Variants in AMPD1 observed in about 807,000 individuals in gnomAD.
AMPD1 encodes the protein adenosine monophosphate deaminase 1.
Under a neutral mutation model 82.9 loss-of-function variants are expected in AMPD1, and 74 were observed. The ratio of observed to expected loss-of-function variants is 0.89; its 90% CI spans 0.74 to 1.08. The LOEUF (loss-of-function observed/expected upper bound fraction) is 1.08. Ranked by LOEUF, AMPD1 falls within the 50% of genes least tolerant of loss-of-function variation. AMPD1 has a pLI of 0.00. For missense variants in AMPD1, 881 were observed against 924.5 expected (o/e 0.95, Z 0.61); for synonymous variants, 333 against 320.5 (o/e 1.04, Z -0.42).
chr1:114,687,937 T>C (rs1658368217), intron 3 of AMPD1, among the ~76,000 whole-genome samples: 1 of 152,108 alleles, frequency 6.6e-6, no homozygotes, highest in African/African-American at 2.4e-5. Context: ...GTAAATTGAA[T>C]ATGTTCACAG....
chr1:114,682,727 C>T (rs1040594646), intron 5 of AMPD1, among the ~76,000 whole-genome samples: 10 of 152,200 alleles, frequency 6.6e-5, no homozygotes, highest in South Asian at 2.1e-4. Flanking sequence ...TACAGGCGCC[C>T]GCCACCACGC....
chr1:114,674,397 A>G (rs1025904663), intron 13 of AMPD1, among the ~76,000 whole-genome samples: 7 of 152,138 alleles, frequency 4.6e-5, no homozygotes, highest in Admixed American at 3.3e-4. Context: ...CTCTCTCTCT[A>G]CAAGAAAGTT....
At chr1:114,688,439 T>G (rs941784397) in intron 3 of AMPD1, 122 bp downstream of exon 3, 1 of 1,195,768 alleles carries the variant, frequency 8.4e-7, no homozygotes, top group East Asian at 2.3e-5. Context: ...TAGGAATTGC[T>G]AACTCTGGCA....
intron 1 of AMPD1, among the ~76,000 whole-genome samples, chr1:114,694,508 AAG>A (rs774259419): frequency 8.5e-5 from 13 of 152,178 alleles, no homozygotes; most frequent in Non-Finnish European, 1.8e-4. Flanking sequence ...CTAAAATGTT[AAG>A]AGTGAATATC....
At chr1:114,694,747 G>A (rs1475448519) in intron 1 of AMPD1, among the ~76,000 whole-genome samples, 1 of 152,100 alleles carries the variant, frequency 6.6e-6, no homozygotes, top group African/African-American at 2.4e-5. Flanking sequence ...GGGAGGCTGA[G>A]GTGGGAGGAT....
intron 12 of AMPD1, 51 bp from the exon 13 acceptor site, chr1:114,674,923 T>A (rs763576060): frequency 6.2e-7 from 1 of 1,611,912 alleles, no homozygotes; most frequent in Non-Finnish European, 8.5e-7. Flanking sequence ...TATGGAGTGA[T>A]TCACAAGAAA....
At chr1:114,695,329 A>T in intron 1 of AMPD1, 121 bp downstream of exon 1, 2 of 1,417,318 alleles carry the variant, frequency 1.4e-6, no homozygotes, top group Non-Finnish European at 1.9e-6. Flanking sequence ...AATGTATGTT[A>T]AAGCTATCAC....
At chr1:114,684,720 GTGAACA>G (rs1213479463) in intron 4 of AMPD1, among the ~76,000 whole-genome samples, 1 of 152,134 alleles carries the variant, frequency 6.6e-6, no homozygotes. Flanking sequence ...CTAAGTACGT[GTGAACA>G]TTTTAAGTAC....
chr1:114,673,905 A>C lies in AMPD1; in HGVS notation c.1974+4T>G. On this transcript the variant is annotated splice_donor_region_variant and intron_variant, in intron 14 of 15. Coordinates refer to ENST00000520113, the MANE Select transcript of AMPD1 (RefSeq NM_000036.3). Reference sequence around the variant, plus strand: ...TGCTTGTATTGCCCAAGTCCATACTATACCTTGGTAAAGTGGAATTGCATT... The same window carrying C: ...TGCTTGTATTGCCCAAGTCCATACTCTACCTTGGTAAAGTGGAATTGCATT... 6.2e-7 allele frequency: 1 copy of C among 1,613,508 alleles called. No individual in the cohort carries two copies. Among genetic ancestry groups the C allele is most frequent in the Non-Finnish European group, 8.5e-7 (1 of 1,179,420 alleles).
At chr1:114,681,034 A>C (rs981440424) in intron 5 of AMPD1, among the ~76,000 whole-genome samples, 1 of 152,214 alleles carries the variant, frequency 6.6e-6, no homozygotes, top group African/African-American at 2.4e-5. Context: ...CTTTGGAAGA[A>C]CTATTTACAT....
chr1:114,680,497 G>C lies in AMPD1; in HGVS notation c.548-19C>G. 1 of 1,604,026 alleles carries C rather than the reference G, an allele frequency of 6.2e-7. No individual in the cohort carries two copies. Among genetic ancestry groups the C allele is most frequent in the East Asian group, 2.2e-5 (1 of 44,818 alleles). On this transcript the variant is annotated intron_variant, in intron 5 of 15. Transcript: ENST00000520113. ...GTAAAGACTTTTTCAATCAAACACA[G>C]AGTAATATATTAGCACATAGGATGA...
chr1:114,679,817 G>GA, intron 6 of AMPD1, 109 bp from the exon 7 acceptor site: 1 of 1,314,948 alleles, frequency 7.6e-7, no homozygotes. Context: ...ATAATTGTTG[G>GA]AACAAACCTT....
chr1:114,675,808 A>C (rs1022651551), intron 11 of AMPD1, 69 bp downstream of exon 11: 11 of 1,613,666 alleles, frequency 6.8e-6, no homozygotes, highest in Middle Eastern at 1.7e-4. Context: ...AGCACCAAGA[A>C]TTAGTCATGA....
rs144825802 is a variant in AMPD1, at chr1:114,674,849, A to G, written c.1703T>C (p.Leu568Pro). 3 of 1,614,074 alleles carry G rather than the reference A, an allele frequency of 1.9e-6. No individual in the cohort carries two copies. In the African/African-American group the frequency reaches 4.0e-5, roughly 22 times the overall value. ...AGCTTCTCCACAGTGAGGTCGGAACAGAAACGTATTCATGCCTCGTTCCCT... is the reference window on the plus strand; with the variant it reads ...AGCTTCTCCACAGTGAGGTCGGAACGGAAACGTATTCATGCCTCGTTCCCT... The part of the protein sequence containing the change: ...LRKERGMNTF[L>P]FRPHCGEAGA... Residue 568 changes from leucine (L) to proline (P), a missense_variant, in exon 13 of 16, where the codon CTG (leucine) becomes CCG (proline). Around this residue, in one of 2 missense-constraint regions of AMPD1, gnomAD observed 783 missense variants for 786.4 expected, o/e 1.00. Coordinates refer to ENST00000520113, the MANE Select transcript of AMPD1 (RefSeq NM_000036.3).
Position 114,677,909 on chromosome 1 carries a change from C to T in AMPD1, c.1224+1G>A. ...CATAGATGTGATTGGTTCCGCCTCA[C>T]CTTGATGATAGTGGCAAAATATTCC... On this transcript the variant is annotated splice_donor_variant, in intron 9 of 15. Transcript: ENST00000520113. LOFTEE classifies it high-confidence loss of function. The T allele has an allele frequency of 1.2e-6, 2 of 1,613,062 alleles. No homozygotes were observed. Among genetic ancestry groups the T allele is most frequent in the Non-Finnish European group, 1.7e-6 (2 of 1,179,736 alleles).
intron 2 of AMPD1, among the ~76,000 whole-genome samples, chr1:114,692,682 AAAAT>A (rs1658547556): frequency 6.6e-6 from 1 of 152,146 alleles, no homozygotes; most frequent in Non-Finnish European, 1.5e-5. Context: ...TCCATCTCAA[AAAAT>A]AAATAAATAA....
At chr1:114,692,797 G>A (rs1309641376) in intron 2 of AMPD1, among the ~76,000 whole-genome samples, 1 of 146,082 alleles carries the variant, frequency 6.8e-6, no homozygotes, top group African/African-American at 2.6e-5. Context: ...ACTAAGGCAA[G>A]ATTCAATAGG....
chr1:114,681,553 C>A (rs115391531), intron 5 of AMPD1, among the ~76,000 whole-genome samples: 10,003 of 148,330 alleles, frequency 0.067, 406 homozygotes, highest in Middle Eastern at 0.1. Flanking sequence ...GAGTTTGTGC[C>A]ACTGCACTCC....
At chr1:114,682,524 CAG>C in intron 5 of AMPD1, among the ~76,000 whole-genome samples, 1 of 151,756 alleles carries the variant, frequency 6.6e-6, no homozygotes, top group South Asian at 2.1e-4. Flanking sequence ...GAATTACAGA[CAG>C]GGAGTTGTAG....
Sources: allele counts gnomAD v4.1 joint callset (sites outside exome capture counted in the v4.1 genomes callset), GRCh38; gene constraint gnomAD v4.1.1; regional missense constraint gnomAD v4.1.1; transcripts MANE v1.5; gene names NCBI Gene and HGNC (gene_info 2026-07-23, HGNC 2026-07-21).